Variants in PDILT observed in about 807,000 individuals in gnomAD.
The protein encoded by PDILT is protein disulfide isomerase like, testis expressed, also known as protein disulfide-isomerase-like protein of the testis.
Under a neutral mutation model 53.7 loss-of-function variants are expected in PDILT, and 43 were observed. The ratio of observed to expected loss-of-function variants is 0.80; its 90% confidence interval spans 0.63 to 1.03. The LOEUF is 1.03. Among genes scored for constraint, PDILT ranks in the 50% least tolerant of loss-of-function variants. The pLI is 0.00. For synonymous variants in PDILT, 282 were observed against 274.2 expected (o/e 1.03, Z -0.28); for missense variants, 727 against 712.3 (o/e 1.02, Z -0.24).
rs1966505078 is a variant in PDILT, at chr16:20,384,556, C to T, written c.409+89G>A. 2.1e-5 allele frequency: 31 copies of T among 1,501,900 alleles called. No homozygotes were observed. The East Asian group carries it at 7.0e-4, about 34-fold the overall frequency. 93.0% of individuals were successfully genotyped at this position (1,501,900 alleles called of 1,614,324 possible). On this transcript the variant is annotated intron_variant, in intron 3 of 11. Transcript: ENST00000302451. Reference sequence around the variant, plus strand: ...AGGATCCTGGGTCCCCGAGAAGCTGCATGGAGCAGAGCCTCCCACCTTTAC... The same window carrying T: ...AGGATCCTGGGTCCCCGAGAAGCTGTATGGAGCAGAGCCTCCCACCTTTAC...
intron 2 of PDILT, among the ~76,000 whole-genome samples, chr16:20,391,453 G>T (rs184306475): frequency 6.6e-6 from 1 of 152,150 alleles, no homozygotes; most frequent in Admixed American, 6.5e-5. Flanking sequence ...ACAGAATCTT[G>T]TCACCTCTGC....
rs767762915 is a variant in PDILT, at chr16:20,369,497, C to T, written c.1111G>A (p.Ala371Thr). The change falls in exon 8 of 12, where the codon GCC (alanine) becomes ACC (threonine). Residue 371 changes from alanine to threonine, a missense_variant. Coordinates refer to ENST00000302451, the MANE Select transcript of PDILT (RefSeq NM_174924.2). ...TTGTCCAAGAAAAAACCTACTGTGG[C>T]ATTTTTACTCAGGAAGCTGCGGCCA... The part of the protein sequence containing the change: ...KFGRSFLSKN[A>T]TKHQSSEEIP... The T allele has an allele frequency of 1.9e-6, 3 of 1,613,746 alleles. No homozygotes were observed. Among genetic ancestry groups the T allele is most frequent in the Admixed American group, 1.7e-5 (1 of 60,014 alleles).
intron 3 of PDILT, among the ~76,000 whole-genome samples, chr16:20,377,926 C>T (rs1432465532): frequency 1.3e-5 from 2 of 151,578 alleles, no homozygotes; most frequent in Non-Finnish European, 2.9e-5. Flanking sequence ...CGCACTCCTG[C>T]GCGGGAGATA....
chr16:20,380,944 C>G (rs1966453052), intron 3 of PDILT, among the ~76,000 whole-genome samples: 1 of 152,228 alleles, frequency 6.6e-6, no homozygotes, highest in Admixed American at 6.5e-5. Flanking sequence ...AGATCAGGCA[C>G]TGCCCTTGTC....
At chr16:20,394,644 G>A (rs893996687) in intron 2 of PDILT, among the ~76,000 whole-genome samples, 1 of 152,238 alleles carries the variant, frequency 6.6e-6, no homozygotes, top group Non-Finnish European at 1.5e-5. Context: ...AAACCTGGGA[G>A]TCTGCATTTC....
intron 2 of PDILT, among the ~76,000 whole-genome samples, chr16:20,396,837 C>T (rs1966667729): frequency 6.6e-6 from 1 of 152,192 alleles, no homozygotes; most frequent in Non-Finnish European, 1.5e-5. Context: ...CACCCATTGC[C>T]TGGCATTGAG....
intron 3 of PDILT, among the ~76,000 whole-genome samples, chr16:20,381,855 G>A (rs1338581454): frequency 6.6e-6 from 1 of 151,830 alleles, no homozygotes; most frequent in African/African-American, 2.4e-5. Context: ...ACCTGCAGTG[G>A]GTGCTTCCAA....
At position 20,362,555 on chromosome 16, in the gene PDILT, A is replaced by G; in HGVS notation, c.1265T>C (p.Met422Thr). 2.5e-6 allele frequency: 4 copies of G among 1,614,154 alleles called. No homozygotes were observed. Among genetic ancestry groups the G allele is most frequent in the Non-Finnish European group, 3.4e-6 (4 of 1,180,018 alleles). The change falls in exon 10 of 12, where the codon ATG becomes ACG. Residue 422 changes from methionine (M) to threonine (T), a missense_variant. Physicochemically the swap from Met to Thr is moderately conservative, Grantham distance 81. Transcript: ENST00000302451. ...CAATTCCTCCAACAGTGGGAACAGC[A>G]TCTTGCACTTTTTAGACCAGGGTGC... Reference protein sequence around the residue: ...FYAPWSKKCKMLFPLLEELGR... With the variant: ...FYAPWSKKCKTLFPLLEELGR...
chr16:20,374,237 G>C, intron 5 of PDILT, among the ~76,000 whole-genome samples: 1 of 152,004 alleles, frequency 6.6e-6, no homozygotes. Context: ...AGAAATGAAT[G>C]GTTAAAGAGA....
At chr16:20,382,549 C>A (rs2141608586) in intron 3 of PDILT, among the ~76,000 whole-genome samples, 1 of 152,316 alleles carries the variant, frequency 6.6e-6, no homozygotes, top group East Asian at 1.9e-4. Context: ...ACTCACTGGG[C>A]AGCTTTGAGG....
At chr16:20,363,477 G>GTGTA (rs1966141085) in intron 9 of PDILT, among the ~76,000 whole-genome samples, 1 of 31,442 alleles carries the variant, frequency 3.2e-5, no homozygotes, top group South Asian at 6.8e-4. Context: ...GTATGTGTAT[G>GTGTA]TGTGTGTGTG....
chr16:20,377,662 A>G (rs993170219), intron 3 of PDILT, among the ~76,000 whole-genome samples: 3 of 152,216 alleles, frequency 2.0e-5, no homozygotes, highest in African/African-American at 7.2e-5. Context: ...TGTAAAATAA[A>G]GAATGCACTG....
At chr16:20,367,158 A>G (rs963168347) in intron 8 of PDILT, among the ~76,000 whole-genome samples, 14 of 149,046 alleles carry the variant, frequency 9.4e-5, no homozygotes, top group African/African-American at 3.5e-4. Flanking sequence ...GCTGGAATGC[A>G]GTGGTGGGAT....
chr16:20,361,899 T>G lies in PDILT; in HGVS notation c.1416+505A>C, dbSNP rs76156967. Among the ~76,000 whole-genome samples, 28 of 152,342 alleles carry G rather than the reference T, an allele frequency of 1.8e-4. 1 individual carries two copies. In the East Asian group the frequency reaches 2.5e-3, roughly 14 times the overall value. On this transcript the variant is annotated intron_variant, in intron 10 of 11. Transcript: ENST00000302451. ...AGCAGGAACCTGGGCTCACATTTCT[T>G]TGACTGATGCTCTTTCCCATGCATG...
At chr16:20,371,910 G>T (rs868590069) in intron 7 of PDILT, among the ~76,000 whole-genome samples, 2 of 152,070 alleles carry the variant, frequency 1.3e-5, no homozygotes, top group Middle Eastern at 3.4e-3. Flanking sequence ...TGAAAATAAT[G>T]TGGTGGAATG....
At chr16:20,385,917 A>T (rs140070338) in intron 2 of PDILT, 12 of 152,336 alleles carry the variant, frequency 7.9e-5, no homozygotes, top group African/African-American at 2.9e-4. Context: ...GAAGCATGAG[A>T]GCTCATGAGC....
intron 10 of PDILT, among the ~76,000 whole-genome samples, chr16:20,362,075 C>T (rs1304607093): frequency 1.3e-5 from 2 of 152,212 alleles, no homozygotes; most frequent in African/African-American, 4.8e-5. Context: ...ATTCCTCCCA[C>T]CTTATTTCAG....
At chr16:20,363,071 CA>C (rs1187383410) in intron 9 of PDILT, among the ~76,000 whole-genome samples, 27,548 of 91,326 alleles carry the variant, frequency 0.3, 1,535 homozygotes, top group East Asian at 0.6. Context: ...GACTCCATCT[CA>C]AAAAAAAAAA....
At chr16:20,388,462 C>T (rs1469729645) in intron 2 of PDILT, among the ~76,000 whole-genome samples, 1 of 152,132 alleles carries the variant, frequency 6.6e-6, no homozygotes, top group African/African-American at 2.4e-5. Context: ...AATTGGCCAG[C>T]TGGTCTGAAA....
Sources: allele counts gnomAD v4.1 joint callset (sites outside exome capture counted in the v4.1 genomes callset), GRCh38; gene constraint gnomAD v4.1.1; transcripts MANE v1.5; gene names NCBI Gene and HGNC (gene_info 2026-07-23, HGNC 2026-07-21).